Variants in THSD7A observed in about 807,000 individuals in gnomAD.
THSD7A encodes the protein thrombospondin type-1 domain-containing protein 7A.
Under a neutral mutation model 231.3 loss-of-function variants are expected in THSD7A, and 96 were observed. That is an observed-to-expected ratio of 0.41 (90% CI 0.35 to 0.49). The LOEUF (loss-of-function observed/expected upper bound fraction) is 0.49. Among genes scored for constraint, THSD7A ranks in the 20% least tolerant of loss-of-function variants. THSD7A has a pLI of 0.05. For synonymous variants in THSD7A, 940 were observed against 743.3 expected, an observed-to-expected ratio of 1.26 and a Z score of -4.30; for missense variants, 2,290 against 2,070.2, an observed-to-expected ratio of 1.11 and a Z score of -2.06.
In THSD7A at chr7:11,666,936, TA is replaced by T. The variant is rs553714280; in HGVS notation, c.191-29976del. On this transcript the variant is annotated intron_variant, in intron 1 of 27. Coordinates refer to ENST00000423059, the MANE Select transcript of THSD7A (RefSeq NM_015204.3). The stretch of plus-strand genomic sequence containing the variant: ...GCATATTAAAATAAGTCAAAAAAAC[TA>T]AAATGTATACAGTTATCCAGTGGAA... Among the ~76,000 whole-genome samples the T allele has an allele frequency of 6.4e-3, 973 of 152,212 alleles. 12 individuals carry two copies. The highest frequency in any genetic ancestry group is 0.011 in the Non-Finnish European group (730 of 67,978).
At chr7:11,559,405 G>C (rs771769601) in intron 4 of THSD7A, among the ~76,000 whole-genome samples, 1 of 151,882 alleles carries the variant, frequency 6.6e-6, no homozygotes, top group African/African-American at 2.4e-5. Flanking sequence ...GTTGGTGGAG[G>C]GTTATAAGAG....
At chr7:11,513,356 A>AT (rs570086943) in intron 6 of THSD7A, among the ~76,000 whole-genome samples, 49,925 of 151,214 alleles carry the variant, frequency 0.33, 9,911 homozygotes, top group African/African-American at 0.56. Context: ...CTTTTCAAGA[A>AT]TAAAAAAAAC....
intron 23 of THSD7A, chr7:11,384,894 T>A (rs1369108082): frequency 6.6e-6 from 1 of 151,990 alleles, no homozygotes; most frequent in Non-Finnish European, 1.5e-5. Context: ...TCAAATTGCA[T>A]AGATTTTATA....
chr7:11,379,306 C>T, intron 25 of THSD7A, 26 bp from the exon 26 acceptor site: 8 of 1,606,988 alleles, frequency 5.0e-6, no homozygotes, highest in Non-Finnish European at 6.0e-6. Flanking sequence ...AAGATTTATA[C>T]TAGCCATGCA....
At chr7:11,461,259 T>C (rs1173885654) in intron 10 of THSD7A, among the ~76,000 whole-genome samples, 1 of 152,186 alleles carries the variant, frequency 6.6e-6, no homozygotes, top group Admixed American at 6.5e-5. Flanking sequence ...GTTGTCAATG[T>C]GCATGGTGTA....
intron 1 of THSD7A, among the ~76,000 whole-genome samples, chr7:11,762,809 CACAA>C (rs140703140): frequency 0.031 from 4,761 of 151,804 alleles, 251 homozygotes; most frequent in African/African-American, 0.11. Context: ...TTATAGATGA[CACAA>C]ACAAACGGAA....
chr7:11,764,265 T>C (rs575370491), intron 1 of THSD7A, among the ~76,000 whole-genome samples: 3 of 152,084 alleles, frequency 2.0e-5, no homozygotes, highest in Non-Finnish European at 2.9e-5. Flanking sequence ...TTACAAATAG[T>C]CTATAGTATA....
chr7:11,734,814 T>C (rs998041321), intron 1 of THSD7A, among the ~76,000 whole-genome samples: 4 of 152,042 alleles, frequency 2.6e-5, no homozygotes, highest in African/African-American at 4.8e-5. Context: ...GTATGAAAGC[T>C]CAGAAAAAGG....
chr7:11,699,799 G>A (rs547593874), intron 1 of THSD7A, among the ~76,000 whole-genome samples: 8 of 151,202 alleles, frequency 5.3e-5, no homozygotes, highest in East Asian at 2.0e-4. Flanking sequence ...TCACATATCC[G>A]ACTTATTGAA....
chr7:11,391,600 A>G (rs1782983360), intron 23 of THSD7A, among the ~76,000 whole-genome samples: 1 of 129,522 alleles, frequency 7.7e-6, no homozygotes, highest in Non-Finnish European at 1.5e-5. Flanking sequence ...AGGGCAGTGA[A>G]TGGTTCTGTC....
intron 2 of THSD7A, among the ~76,000 whole-genome samples, chr7:11,621,069 T>G (rs1374453673): frequency 1.3e-5 from 2 of 152,176 alleles, no homozygotes; most frequent in African/African-American, 4.8e-5. Context: ...CAACTCACAT[T>G]AGGCAATGTT....
chr7:11,457,571 C>G (rs1583778013), intron 11 of THSD7A, among the ~76,000 whole-genome samples: 1 of 152,080 alleles, frequency 6.6e-6, no homozygotes, highest in East Asian at 1.9e-4. Flanking sequence ...TGTGTCTTAT[C>G]TTTCTAATTT....
intron 1 of THSD7A, among the ~76,000 whole-genome samples, chr7:11,647,828 T>G (rs1782340413): frequency 6.6e-6 from 1 of 152,118 alleles, no homozygotes; most frequent in African/African-American, 2.4e-5. Context: ...TGTAGTAGTT[T>G]GACCAGCCTC....
chr7:11,560,608 G>T (rs1311742281), intron 4 of THSD7A, among the ~76,000 whole-genome samples: 3 of 152,136 alleles, frequency 2.0e-5, no homozygotes, highest in Non-Finnish European at 4.4e-5. Flanking sequence ...CCCAGTCGTA[G>T]AATTATTCTT....
At chr7:11,805,158 C>T (rs1784368288) in intron 1 of THSD7A, among the ~76,000 whole-genome samples, 1 of 152,086 alleles carries the variant, frequency 6.6e-6, no homozygotes, top group South Asian at 2.1e-4. Context: ...CAAACTTCCT[C>T]CTCTTGTTTA....
At chr7:11,536,106 G>C (rs991366727) in intron 6 of THSD7A, among the ~76,000 whole-genome samples, 1 of 152,048 alleles carries the variant, frequency 6.6e-6, no homozygotes, top group African/African-American at 2.4e-5. Flanking sequence ...GGAGTCTTCA[G>C]GTTTTCCAGC....
intron 1 of THSD7A, among the ~76,000 whole-genome samples, chr7:11,779,951 T>C (rs1783570645): frequency 6.6e-6 from 1 of 152,198 alleles, no homozygotes; most frequent in Non-Finnish European, 1.5e-5. Flanking sequence ...TGGGTTTCTG[T>C]GTCTGTCTAA....
chr7:11,528,903 G>A (rs12673692), intron 6 of THSD7A, among the ~76,000 whole-genome samples: 46,269 of 151,738 alleles, frequency 0.3, 7,212 homozygotes, highest in South Asian at 0.4. Flanking sequence ...AAGTACCAGC[G>A]GTCTTAAAGT....
chr7:11,386,653 G>A (rs544125852), intron 23 of THSD7A, among the ~76,000 whole-genome samples: 26 of 152,056 alleles, frequency 1.7e-4, no homozygotes, highest in African/African-American at 4.1e-4. Flanking sequence ...TCTCCCAATC[G>A]GCAGGTTGCC....
Sources: allele counts gnomAD v4.1 joint callset (sites outside exome capture counted in the v4.1 genomes callset), GRCh38; gene constraint gnomAD v4.1.1; transcripts MANE v1.5; gene names NCBI Gene and HGNC (gene_info 2026-07-23, HGNC 2026-07-21).